The following UMAD1 variants were observed in gnomAD, a reference collection of about 807,000 sequenced individuals.
The protein encoded by UMAD1 is UBAP1-MVB12-associated (UMA)-domain containing protein 1.
Under a neutral mutation model 6.1 loss-of-function variants are expected in UMAD1, and 8 were observed. That is an observed-to-expected ratio of 1.30 (90% CI 0.76 to 2.35). UMAD1 has a LOEUF of 2.35. Ranked by LOEUF, UMAD1 falls within the 30% of genes most tolerant of loss-of-function variation. The probability of loss-of-function intolerance (pLI) is 0.00; values close to 1 mark genes in which losing one functional copy is unlikely to be tolerated. For synonymous variants in UMAD1, 56 were observed against 31.4 expected, an observed-to-expected ratio of 1.78 and a Z score of -2.61; for missense variants, 130 against 78.4, an observed-to-expected ratio of 1.66 and a Z score of -2.49.
intron 2 of UMAD1, among the ~76,000 whole-genome samples, chr7:7,796,948 GTTCTTT>G (rs1196614358): frequency 1.3e-5 from 2 of 152,170 alleles, no homozygotes; most frequent in Non-Finnish European, 1.5e-5. Context: ...TAAGATTAAA[GTTCTTT>G]TTCTGCTGCA....
At chr7:7,680,057 T>G (rs963721435) in intron 2 of UMAD1, among the ~76,000 whole-genome samples, 5 of 152,080 alleles carry the variant, frequency 3.3e-5, no homozygotes, top group South Asian at 4.1e-4. Flanking sequence ...GTAATCCCAT[T>G]TGTCCATTTT....
In UMAD1 at chr7:7,800,174, T is replaced by G. The variant is rs937720763; in HGVS notation, c.83-1496T>G. Among the ~76,000 whole-genome samples, 5 of 152,262 alleles carry G rather than the reference T, an allele frequency of 3.3e-5. No homozygotes were observed. The South Asian group carries it at 8.3e-4, about 25-fold the overall frequency. ...GTGGGATTACAGGTGTGAGCCACCA[T>G]GCCTGGCCTTGTCACAGTTTTACCA... On this transcript the variant is annotated intron_variant, in intron 2 of 3. Transcript: ENST00000682710.
At position 7,748,348 on chromosome 7, in the gene UMAD1, A is replaced by G. The variant is rs542570068; in HGVS notation, c.83-53322A>G. Among the ~76,000 whole-genome samples, 5 of 152,298 alleles carry G rather than the reference A, an allele frequency of 3.3e-5. No individual in the cohort carries two copies. In the South Asian group the frequency reaches 6.2e-4, roughly 19 times the overall value. ...ATAATAATTCCTTAAACCAAATTAT[A>G]TTCCATAAATTATAACATATGAATT... On this transcript the variant is annotated intron_variant, in intron 2 of 3. Coordinates refer to ENST00000682710, the MANE Select transcript of UMAD1 (RefSeq NM_001302348.2).
At chr7:7,712,971 A>C (rs1199274458) in intron 2 of UMAD1, among the ~76,000 whole-genome samples, 4 of 152,254 alleles carry the variant, frequency 2.6e-5, no homozygotes, top group Admixed American at 1.3e-4. Context: ...GTACCGAATG[A>C]ATTTGTTGAT....
chr7:7,842,153 C>T (rs1245696693), intron 3 of UMAD1, among the ~76,000 whole-genome samples: 1 of 152,138 alleles, frequency 6.6e-6, no homozygotes, highest in Non-Finnish European at 1.5e-5. Context: ...TCATTTCAAG[C>T]TTGAAATTCC....
intron 1 of UMAD1, among the ~76,000 whole-genome samples, chr7:7,649,431 GGTTACCTTTT>G (rs1785171944): frequency 6.6e-6 from 1 of 152,102 alleles, no homozygotes; most frequent in South Asian, 2.1e-4. Context: ...CTCATAACCT[GGTTACCTTTT>G]ATAGGTCCCA....
chr7:7,806,161 A>G (rs1189156016), intron 3 of UMAD1, among the ~76,000 whole-genome samples: 1 of 152,138 alleles, frequency 6.6e-6, no homozygotes, highest in East Asian at 1.9e-4. Context: ...CTCCTACACC[A>G]ACTAGGTCCT....
At chr7:7,719,716 C>G (rs1002585076) in intron 2 of UMAD1, among the ~76,000 whole-genome samples, 1 of 151,978 alleles carries the variant, frequency 6.6e-6, no homozygotes, top group Non-Finnish European at 1.5e-5. Flanking sequence ...CTTTAGTTTT[C>G]ATATGTGAAC....
chr7:7,807,686 T>G (rs1168135969), intron 3 of UMAD1, among the ~76,000 whole-genome samples: 1 of 152,126 alleles, frequency 6.6e-6, no homozygotes, highest in African/African-American at 2.4e-5. Context: ...TTAGCGCATT[T>G]ACACGAATGA....
Position 7,878,747 on chromosome 7 carries a change from C to T in UMAD1, c.*1209C>T, listed in dbSNP as rs1258169234. The T allele has an allele frequency of 6.6e-6, 1 of 152,088 alleles. No individual in the cohort carries two copies. Among genetic ancestry groups the T allele is most frequent in the Non-Finnish European group, 1.5e-5 (1 of 68,004 alleles). The allele number at this position is 152,088 out of a possible 1,614,324, so 9.4% of individuals were successfully genotyped here. ...TGTGCATAAAGGTACATGAATTATT[C>T]CAGTTTTAAAGTATTATGCATGTTT... On this transcript the variant is annotated 3_prime_UTR_variant, in exon 4 of 4. Transcript: ENST00000682710.
At chr7:7,731,654 C>T (rs1406389642) in intron 2 of UMAD1, among the ~76,000 whole-genome samples, 2 of 152,050 alleles carry the variant, frequency 1.3e-5, no homozygotes, top group African/African-American at 4.8e-5. Flanking sequence ...TTATAAGCTG[C>T]CGCAATAAAA....
chr7:7,853,694 G>A (rs905300245), intron 3 of UMAD1, among the ~76,000 whole-genome samples: 1 of 152,010 alleles, frequency 6.6e-6, no homozygotes, highest in Non-Finnish European at 1.5e-5. Context: ...TGTTCCAATA[G>A]TATTTTAATG....
chr7:7,741,010 T>C (rs1305498283), intron 2 of UMAD1: 1 of 152,216 alleles, frequency 6.6e-6, no homozygotes, highest in Admixed American at 6.5e-5. Context: ...TAGGAATTCA[T>C]TTTTTCTTTA....
intron 1 of UMAD1, among the ~76,000 whole-genome samples, chr7:7,650,091 C>T (rs772266534): frequency 1.3e-5 from 2 of 152,164 alleles, no homozygotes; most frequent in African/African-American, 2.4e-5. Flanking sequence ...ATCTTGAAGT[C>T]GAAAGTTACT....
intron 3 of UMAD1, among the ~76,000 whole-genome samples, chr7:7,832,694 T>A (rs1783489328): frequency 6.6e-6 from 1 of 152,218 alleles, no homozygotes; most frequent in Non-Finnish European, 1.5e-5. Flanking sequence ...TGTACCATGC[T>A]ACCACGAAGG....
chr7:7,731,722 G>A (rs79661779), intron 2 of UMAD1, among the ~76,000 whole-genome samples: 1,889 of 152,196 alleles, frequency 0.012, 33 homozygotes, highest in South Asian at 0.037. Context: ...GGAGTGTAAC[G>A]CTAGAGCAAA....
chr7:7,869,237 A>C (rs1563274198), intron 3 of UMAD1, among the ~76,000 whole-genome samples: 1 of 151,820 alleles, frequency 6.6e-6, no homozygotes, highest in African/African-American at 2.4e-5. Context: ...CTCACCCCAC[A>C]GTAATGCAAG....
chr7:7,823,910 T>C (rs1783293351), intron 3 of UMAD1, among the ~76,000 whole-genome samples: 1 of 152,130 alleles, frequency 6.6e-6, no homozygotes, highest in Non-Finnish European at 1.5e-5. Flanking sequence ...TTTTGGTTCA[T>C]TTAGTATTAA....
chr7:7,766,465 C>T (rs1781987181), intron 2 of UMAD1, among the ~76,000 whole-genome samples: 1 of 152,144 alleles, frequency 6.6e-6, no homozygotes. Context: ...CCAGAAAATA[C>T]TTGCTGTTAC....
Sources: gnomAD v4.1 joint callset for allele counts (sites outside exome capture counted in the v4.1 genomes callset) on GRCh38, gnomAD v4.1.1 for gene constraint, MANE v1.5 for transcripts, NCBI Gene and HGNC (gene_info 2026-07-23, HGNC 2026-07-21) for gene names.